ATG10: variants seen among roughly 807,000 people sequenced by gnomAD.
ATG10 encodes the protein ubiquitin-like-conjugating enzyme ATG10.
Under a neutral mutation model 32.1 loss-of-function variants are expected in ATG10, and 30 were observed. The ratio of observed to expected loss-of-function variants is 0.94; its 90% CI spans 0.70 to 1.27. ATG10 has a LOEUF of 1.27. Ranked by LOEUF, ATG10 falls within the 50% of genes most tolerant of loss-of-function variation. The probability of loss-of-function intolerance (pLI) is 0.00; values close to 1 mark genes in which losing one functional copy is unlikely to be tolerated. For synonymous variants in ATG10, 87 were observed against 91.5 expected (o/e 0.95, Z 0.28); for missense variants, 233 against 262.3 (o/e 0.89, Z 0.77).
chr5:82,154,666 C>T (rs944482024), intron 3 of ATG10, among the ~76,000 whole-genome samples: 5 of 152,016 alleles, frequency 3.3e-5, no homozygotes, highest in African/African-American at 1.2e-4. Context: ...TCCTTGAATC[C>T]CAATAGAAAG....
chr5:82,089,681 A>G (rs574029443), intron 3 of ATG10, among the ~76,000 whole-genome samples: 2 of 152,262 alleles, frequency 1.3e-5, no homozygotes, highest in Non-Finnish European at 2.9e-5. Flanking sequence ...CTTGGGATCT[A>G]GGATTAGCCA....
intron 3 of ATG10, among the ~76,000 whole-genome samples, chr5:82,107,131 A>G (rs1425147829): frequency 6.6e-6 from 1 of 152,054 alleles, no homozygotes; most frequent in Non-Finnish European, 1.5e-5. Context: ...AAATATATAT[A>G]TAGATTAAAT....
rs536702890 is a variant in ATG10, at chr5:82,024,674, G to A, written c.109-33821G>A. 6.6e-5 allele frequency among the ~76,000 whole-genome samples: 10 copies of A among 152,244 alleles called. No homozygotes were observed. The South Asian group carries it at 1.9e-3, about 28-fold the overall frequency. On this transcript the variant is annotated intron_variant, in intron 2 of 7. Transcript: ENST00000282185. ...GCCCTATAACATAACATTATGTATT[G>A]AAGTTTGACTAAAGAAAAAAGGCCA...
intron 3 of ATG10, among the ~76,000 whole-genome samples, chr5:82,083,326 G>A (rs985092643): frequency 6.6e-6 from 1 of 152,182 alleles, no homozygotes; most frequent in Non-Finnish European, 1.5e-5. Context: ...TAAACAAAGT[G>A]GCCGGGAAGC....
chr5:82,242,810 G>A lies in ATG10; in HGVS notation c.454-9752G>A, dbSNP rs566201142. 6.8e-4 allele frequency: 309 copies of A among 451,622 alleles called. 3 individuals are homozygous for A. The highest frequency in any genetic ancestry group is 5.9e-3 in the African/African-American group (297 of 49,998). 28.0% of individuals were successfully genotyped at this position (451,622 alleles called of 1,614,324 possible). A position where few individuals can be genotyped will look rare whatever the true frequency, so the allele number is the denominator to read the frequency against. Reference sequence around the variant, plus strand: ...TACTACCTACAGATCTTCACCAAGAGGTGTTCAGAAGGACATATTTCAGTG... The same window carrying A: ...TACTACCTACAGATCTTCACCAAGAAGTGTTCAGAAGGACATATTTCAGTG... On this transcript the variant is annotated intron_variant, in intron 5 of 7. Transcript: ENST00000282185.
chr5:81,993,408 C>CTT (rs764853196), intron 2 of ATG10, among the ~76,000 whole-genome samples: 1 of 104,422 alleles, frequency 9.6e-6, no homozygotes, highest in South Asian at 3.0e-4. Context: ...CTTTTCTTTT[C>CTT]TTTTCTTTTC....
At chr5:81,987,144 A>G (rs1761305132) in intron 1 of ATG10, among the ~76,000 whole-genome samples, 1 of 152,098 alleles carries the variant, frequency 6.6e-6, no homozygotes, top group African/African-American at 2.4e-5. Context: ...TTTTTTTGAG[A>G]TGGGGTATCA....
At chr5:82,202,426 T>G (rs533299397) in intron 5 of ATG10, among the ~76,000 whole-genome samples, 23 of 152,188 alleles carry the variant, frequency 1.5e-4, no homozygotes, top group Non-Finnish European at 3.4e-4. Context: ...TCTTCCCCCC[T>G]GCAGACTTTT....
At chr5:82,002,143 T>C (rs1410866949) in intron 2 of ATG10, among the ~76,000 whole-genome samples, 4 of 152,132 alleles carry the variant, frequency 2.6e-5, no homozygotes, top group Non-Finnish European at 4.4e-5. Context: ...AAATAACAGA[T>C]GCTGGTGAGG....
intron 2 of ATG10, among the ~76,000 whole-genome samples, chr5:82,014,820 CA>C (rs1762234258): frequency 6.6e-6 from 1 of 152,166 alleles, no homozygotes; most frequent in East Asian, 1.9e-4. Flanking sequence ...GCATTTAGCC[CA>C]TTTACATTTA....
chr5:82,236,390 T>C (rs1489659832), intron 5 of ATG10, among the ~76,000 whole-genome samples: 1 of 152,236 alleles, frequency 6.6e-6, no homozygotes, highest in Non-Finnish European at 1.5e-5. Context: ...CTCGGAGTTC[T>C]GGCATATTAA....
chr5:82,167,594 T>C (rs61231966), intron 4 of ATG10, among the ~76,000 whole-genome samples: 6,780 of 152,314 alleles, frequency 0.045, 512 homozygotes, highest in African/African-American at 0.16. Context: ...TCTATGTATC[T>C]TTACTCTTTA....
intron 3 of ATG10, among the ~76,000 whole-genome samples, chr5:82,143,111 A>G (rs1422186881): frequency 6.6e-6 from 1 of 152,206 alleles, no homozygotes; most frequent in East Asian, 1.9e-4. Flanking sequence ...ATAGAAGTGA[A>G]TGAGGAGTGA....
intron 5 of ATG10, among the ~76,000 whole-genome samples, chr5:82,213,883 C>T (rs1235593218): frequency 6.6e-6 from 1 of 152,202 alleles, no homozygotes; most frequent in African/African-American, 2.4e-5. Context: ...GCTATTATCT[C>T]TCTTTTGTTG....
At chr5:82,139,119 C>T (rs948902890) in intron 3 of ATG10, among the ~76,000 whole-genome samples, 51 of 146,232 alleles carry the variant, frequency 3.5e-4, no homozygotes, top group Non-Finnish European at 6.1e-4. Context: ...GCCGGGATTG[C>T]AGACGGAGTC....
chr5:82,112,204 A>G (rs933547934), intron 3 of ATG10, among the ~76,000 whole-genome samples: 2 of 151,976 alleles, frequency 1.3e-5, no homozygotes, highest in African/African-American at 4.8e-5. Flanking sequence ...TCTCAGAAAG[A>G]TGTCCACTGC....
intron 1 of ATG10, among the ~76,000 whole-genome samples, chr5:81,983,530 T>A (rs1761138191): frequency 7.4e-6 from 1 of 134,824 alleles, no homozygotes; most frequent in South Asian, 2.6e-4. Flanking sequence ...CCCACCTCCC[T>A]CCCGGATGGG....
intron 1 of ATG10, among the ~76,000 whole-genome samples, chr5:81,972,851 A>G (rs1760763790): frequency 6.6e-6 from 1 of 152,144 alleles, no homozygotes; most frequent in Non-Finnish European, 1.5e-5. Context: ...ATTTATAGAA[A>G]CTTTTAGTGG....
chr5:81,982,397 T>C (rs1825197), intron 1 of ATG10, among the ~76,000 whole-genome samples: 149,949 of 152,248 alleles, frequency 0.98, 73,873 homozygotes, highest in Middle Eastern at 1. Context: ...ACTCGGGAGG[T>C]GGAGGTTGTA....
Sources: allele counts gnomAD v4.1 joint callset (sites outside exome capture counted in the v4.1 genomes callset), GRCh38; gene constraint gnomAD v4.1.1; transcripts MANE v1.5; gene names NCBI Gene and HGNC (gene_info 2026-07-23, HGNC 2026-07-21).